KCNT2: variants seen among roughly 807,000 people sequenced by gnomAD.
The protein encoded by KCNT2 is potassium sodium-activated channel subfamily T member 2.
A neutral mutation model predicts 153.8 loss-of-function variants in KCNT2; 67 were observed. The ratio of observed to expected loss-of-function variants is 0.44; its 90% CI spans 0.36 to 0.53. The LOEUF (loss-of-function observed/expected upper bound fraction) is 0.53, where lower values mean the gene tolerates loss of function less well. Among genes scored for constraint, KCNT2 ranks in the 20% least tolerant of loss-of-function variants. KCNT2 has a pLI of 0.00. For missense variants in KCNT2, 975 were observed against 1,354.8 expected, an observed-to-expected ratio of 0.72 and a Z score of 4.40; for synonymous variants, 500 against 458.8, an observed-to-expected ratio of 1.09 and a Z score of -1.15.
chr1:196,327,668 CTT>C (rs773639795), intron 18 of KCNT2, among the ~76,000 whole-genome samples: 23 of 127,790 alleles, frequency 1.8e-4, no homozygotes, highest in Admixed American at 2.3e-4. Context: ...ATATTCTGAT[CTT>C]TTTTTTTTTT....
intron 1 of KCNT2, among the ~76,000 whole-genome samples, chr1:196,597,281 T>C (rs1031722220): frequency 6.6e-6 from 1 of 150,978 alleles, no homozygotes; most frequent in East Asian, 1.9e-4. Flanking sequence ...AAAAAAAAGG[T>C]TTTTAAGGAA....
chr1:196,269,644 A>G (rs1657880410), intron 25 of KCNT2, among the ~76,000 whole-genome samples: 1 of 152,126 alleles, frequency 6.6e-6, no homozygotes, highest in Non-Finnish European at 1.5e-5. Context: ...ACTAGCTCTT[A>G]CTACAGCCTT....
At position 196,292,758 on chromosome 1, in the gene KCNT2, G is replaced by A. The variant is rs569993792; in HGVS notation, c.2596-7000C>T. Among the ~76,000 whole-genome samples the A allele has an allele frequency of 1.4e-4, 21 of 146,440 alleles. 1 individual carries two copies. In the South Asian group the frequency reaches 4.6e-3, roughly 32 times the overall value. On this transcript the variant is annotated intron_variant, in intron 22 of 27. Coordinates refer to ENST00000294725, the MANE Select transcript of KCNT2 (RefSeq NM_198503.5). ...GGAGGCGGGGCGGAACTTGAAGCGA[G>A]TGGAGATTGCGCCACTGCACTCCAG...
At chr1:196,380,917 T>C (rs746401248) in intron 13 of KCNT2, among the ~76,000 whole-genome samples, 6 of 152,194 alleles carry the variant, frequency 3.9e-5, no homozygotes, top group Admixed American at 6.5e-5. Context: ...CGCGTGCATA[T>C]GAACACGTCA....
chr1:196,353,672 T>C (rs1666940922), intron 14 of KCNT2, among the ~76,000 whole-genome samples: 1 of 151,988 alleles, frequency 6.6e-6, no homozygotes, highest in African/African-American at 2.4e-5. Flanking sequence ...GGCAAATGGG[T>C]ATTTATTGGC....
intron 1 of KCNT2, among the ~76,000 whole-genome samples, chr1:196,502,219 ATGT>A (rs748840806): frequency 4.6e-5 from 7 of 152,168 alleles, no homozygotes; most frequent in African/African-American, 7.2e-5. Context: ...CGCAATTTAA[ATGT>A]TGTGCAATTT....
intron 12 of KCNT2, among the ~76,000 whole-genome samples, chr1:196,416,543 C>G (rs1672768633): frequency 6.6e-6 from 1 of 152,022 alleles, no homozygotes; most frequent in Non-Finnish European, 1.5e-5. Context: ...CTCTACCAAA[C>G]TTTTCACGGC....
At chr1:196,391,231 C>A (rs16839856) in intron 13 of KCNT2, among the ~76,000 whole-genome samples, 8,721 of 151,342 alleles carry the variant, frequency 0.058, 391 homozygotes, top group Non-Finnish European at 0.085. Flanking sequence ...GGCAATGAGA[C>A]AAGCTGCCAC....
At chr1:196,419,705 C>T (rs1291742542) in intron 12 of KCNT2, among the ~76,000 whole-genome samples, 1 of 151,996 alleles carries the variant, frequency 6.6e-6, no homozygotes, top group Non-Finnish European at 1.5e-5. Context: ...ATTTTGAAAG[C>T]ATTGTCCCAC....
At chr1:196,595,629 C>T (rs747163651) in intron 1 of KCNT2, among the ~76,000 whole-genome samples, 8 of 152,142 alleles carry the variant, frequency 5.3e-5, no homozygotes, top group Non-Finnish European at 8.8e-5. Context: ...GTAAATGCTA[C>T]GTAAATAATT....
chr1:196,608,052 C>CCA (rs1665517565), intron 1 of KCNT2, among the ~76,000 whole-genome samples, 163 bp downstream of exon 1: 1 of 152,126 alleles, frequency 6.6e-6, no homozygotes. Flanking sequence ...TATATAGAGT[C>CCA]AAAATGGAGA....
At chr1:196,310,924 C>T (rs1483725710) in intron 21 of KCNT2, among the ~76,000 whole-genome samples, 10 of 151,784 alleles carry the variant, frequency 6.6e-5, no homozygotes, top group Non-Finnish European at 1.3e-4. Flanking sequence ...TCAGCCTCCT[C>T]GCACCAGTCT....
Position 196,350,602 on chromosome 1 carries a change from A to G in KCNT2, c.1404-8374T>C, listed in dbSNP as rs1360626867. Among the ~76,000 whole-genome samples the G allele has an allele frequency of 2.6e-5, 4 of 152,180 alleles. No individual in the cohort carries two copies. In the East Asian group the frequency reaches 7.7e-4, roughly 29 times the overall value. ...GAGTTCATTGTAGATTCTGGATATTAGCCTTCTGTCAGATGAGTAGGCTGC... is the reference window on the plus strand; with the variant it reads ...GAGTTCATTGTAGATTCTGGATATTGGCCTTCTGTCAGATGAGTAGGCTGC... On this transcript the variant is annotated intron_variant, in intron 14 of 27. Transcript: ENST00000294725.
intron 22 of KCNT2, among the ~76,000 whole-genome samples, chr1:196,295,876 A>T (rs1163728727): frequency 2.0e-5 from 3 of 151,922 alleles, no homozygotes; most frequent in Non-Finnish European, 4.4e-5. Context: ...GGATGCATAA[A>T]TTTTTTGTGT....
intron 15 of KCNT2, 46 bp downstream of exon 15, chr1:196,342,033 G>T: frequency 6.3e-7 from 1 of 1,580,594 alleles, no homozygotes. Flanking sequence ...CACATGATAT[G>T]CTTGACTGAT....
At chr1:196,387,051 T>C (rs1436387615) in intron 13 of KCNT2, among the ~76,000 whole-genome samples, 1 of 152,080 alleles carries the variant, frequency 6.6e-6, no homozygotes, top group African/African-American at 2.4e-5. Context: ...ATATAACCAT[T>C]CACAAATTTT....
At position 196,479,040 on chromosome 1, in the gene KCNT2, A is replaced by G. The variant is rs1192712371; in HGVS notation, c.384+139T>C. On this transcript the variant is annotated intron_variant, in intron 5 of 27. Coordinates refer to ENST00000294725, the MANE Select transcript of KCNT2 (RefSeq NM_198503.5). ...TACCGTATTCATACAGCTTTTTATCAGCTACTGGAGCGGCTCAAAACAAAG... is the reference window on the plus strand; with the variant it reads ...TACCGTATTCATACAGCTTTTTATCGGCTACTGGAGCGGCTCAAAACAAAG... 6.4e-6 allele frequency: 4 copies of G among 624,454 alleles called. No individual in the cohort carries two copies. The African/African-American group carries it at 7.6e-5, about 12-fold the overall frequency. 38.7% of individuals were successfully genotyped at this position (624,454 alleles called of 1,614,324 possible).
At chr1:196,323,251 G>A (rs1414071917) in intron 19 of KCNT2, among the ~76,000 whole-genome samples, 1 of 151,930 alleles carries the variant, frequency 6.6e-6, no homozygotes, top group East Asian at 1.9e-4. Flanking sequence ...TATGTGGAAA[G>A]AAGATTGATT....
chr1:196,591,992 T>C (rs13375443), intron 1 of KCNT2, among the ~76,000 whole-genome samples: 21,531 of 152,172 alleles, frequency 0.14, 4,790 homozygotes, highest in African/African-American at 0.48. Context: ...CATGTGGTAG[T>C]AAAGCTTCAA....
Sources: allele counts gnomAD v4.1 joint callset (sites outside exome capture counted in the v4.1 genomes callset), GRCh38; gene constraint gnomAD v4.1.1; transcripts MANE v1.5; gene names NCBI Gene and HGNC (gene_info 2026-07-23, HGNC 2026-07-21).